The following ZNF506 variants were observed in gnomAD, a reference collection of about 807,000 sequenced individuals.
ZNF506 encodes the protein zinc finger protein 506.
Under a neutral mutation model 11.6 loss-of-function variants are expected in ZNF506, and 10 were observed. That is an observed-to-expected ratio of 0.86 (90% CI 0.53 to 1.46). The LOEUF is 1.46. ZNF506 is among the 40% of genes most tolerant of loss of function. ZNF506 has a pLI of 0.00. For missense variants in ZNF506, 425 were observed against 521.2 expected (o/e 0.82, Z 1.80); for synonymous variants, 156 against 173.3 (o/e 0.90, Z 0.78).
At chr19:19,801,207 C>T (rs1044445707) in intron 3 of ZNF506, among the ~76,000 whole-genome samples, 1 of 151,990 alleles carries the variant, frequency 6.6e-6, no homozygotes, top group African/African-American at 2.4e-5. Context: ...CAAAAAAAAC[C>T]TGGCCGGGTG....
intron 1 of ZNF506, among the ~76,000 whole-genome samples, chr19:19,811,223 G>A (rs1048347356): frequency 2.6e-5 from 4 of 152,126 alleles, no homozygotes; most frequent in African/African-American, 4.8e-5. Flanking sequence ...GCACTGGTGC[G>A]ATCTCGGCTC....
At chr19:19,808,515 A>T (rs188420693) in intron 1 of ZNF506, among the ~76,000 whole-genome samples, 1 of 151,754 alleles carries the variant, frequency 6.6e-6, no homozygotes, top group Admixed American at 6.6e-5. Context: ...ACTCCCCCCA[A>T]AAAAGTAAAT....
At chr19:19,817,909 C>A (rs2062945778) in intron 1 of ZNF506, among the ~76,000 whole-genome samples, 1 of 149,200 alleles carries the variant, frequency 6.7e-6, no homozygotes, top group Non-Finnish European at 1.5e-5. Flanking sequence ...GTCACTGCAA[C>A]CTCTGCCTCC....
rs1216253482 is a variant in ZNF506, at chr19:19,806,989, A to T, written c.83T>A (p.Leu28Gln). ...GTTCTCTAACATCACATCCCTATAT[A>T]GATTCCGCTGTGCAGCGTCCAGGCA... ...WHCLDAAQRN[L>Q]YRDVMLENYR... The change falls in exon 2 of 4, where the codon CTA becomes CAA. Residue 28 changes from leucine (L) to glutamine (Q), a missense_variant. By Grantham distance (113) the Leu-to-Gln change is moderately radical. Around this residue, in one of 3 missense-constraint regions of ZNF506, gnomAD observed 226 missense variants for 279.1 expected, o/e 0.81. Coordinates refer to ENST00000540806, the MANE Select transcript of ZNF506 (RefSeq NM_001099269.3). The T allele has an allele frequency of 6.2e-7, 1 of 1,614,068 alleles. No individual in the cohort carries two copies. The highest frequency in any genetic ancestry group is 1.7e-5 in the Admixed American group (1 of 60,016).
Position 19,794,571 on chromosome 19 carries a change from G to A in ZNF506, c.1316C>T (p.Pro439Leu), listed in dbSNP as rs771079101. 3 of 1,597,016 alleles carry A rather than the reference G, an allele frequency of 1.9e-6. No homozygotes were observed. Among genetic ancestry groups the A allele is most frequent in the Non-Finnish European group, 2.6e-6 (3 of 1,173,208 alleles). The change falls in exon 4 of 4, where the codon CCC becomes CTC. Residue 439 changes from proline to leucine, a missense_variant. Physicochemically the swap from Pro to Leu is moderately conservative, Grantham distance 98. Transcript: ENST00000540806. Reference sequence around the variant, plus strand: ...TATGAATTATCTTATGCTTATTAAGGGTTGAGGAACATTTAAAAGATTTTC... The same window carrying A: ...TATGAATTATCTTATGCTTATTAAGAGTTGAGGAACATTTAAAAGATTTTC... Reference protein sequence around the residue: ...NVENLLNVPQPLISIR With the variant: ...NVENLLNVPQLLISIR
chr19:19,820,028 C>T (rs1599531462), intron 1 of ZNF506, among the ~76,000 whole-genome samples: 1 of 151,006 alleles, frequency 6.6e-6, no homozygotes, highest in African/African-American at 2.4e-5. Context: ...ATCCAAGAGG[C>T]GGACGTTGCA....
At chr19:19,821,003 G>A (rs996464084) in intron 1 of ZNF506, among the ~76,000 whole-genome samples, 11 of 151,812 alleles carry the variant, frequency 7.2e-5, no homozygotes, top group African/African-American at 2.7e-4. Context: ...GGGTTCAACA[G>A]ATTCTCCCAC....
chr19:19,802,586 T>G (rs953080210), intron 3 of ZNF506, among the ~76,000 whole-genome samples: 1 of 152,140 alleles, frequency 6.6e-6, no homozygotes, highest in Non-Finnish European at 1.5e-5. Context: ...CTGAAGAAAG[T>G]TGATGAAAAT....
rs757160026 is a variant in ZNF506 at position 19,808,108 on chromosome 19, C to CTTTTTTTTTTTTTT, written c.4-1054_4-1041dup. On this transcript the variant is annotated intron_variant, in intron 1 of 3. Transcript: ENST00000540806. ...ACTTAACCAAGTGAATCATTAACCA[C>CTTTTTTTTTTTTTT]TTTTTTTTTTTTTTTTTTTTTTTTT... Among the ~76,000 whole-genome samples, 54 of 56,772 alleles carry CTTTTTTTTTTTTTT rather than the reference C, an allele frequency of 9.5e-4. 12 individuals are homozygous for CTTTTTTTTTTTTTT. The highest frequency in any genetic ancestry group is 1.9e-3 in the African/African-American group (25 of 12,970). 37.2% of individuals were successfully genotyped at this position (56,772 alleles called of 152,430 possible). A position where few individuals can be genotyped will look rare whatever the true frequency, so the allele number is the denominator to read the frequency against.
In ZNF506 at chr19:19,819,376, C is replaced by CA. The variant is rs779777587; in HGVS notation, c.3+2224dup. Among the ~76,000 whole-genome samples the CA allele has an allele frequency of 2.4e-3, 315 of 132,002 alleles. 1 individual carries two copies. Among genetic ancestry groups the CA allele is most frequent in the African/African-American group, 6.1e-3 (220 of 36,006 alleles). The allele number at this position is 132,002 out of a possible 152,430, so 86.6% of individuals were successfully genotyped here. On this transcript the variant is annotated intron_variant, in intron 1 of 3. Transcript: ENST00000540806. ...TTCATGTCTCAAGGGGTTAGCTTTT[C>CA]AAAAAAAAAAAAGAAAAAAGTGCAC...
chr19:19,804,462 G>C (rs937694591), intron 3 of ZNF506, among the ~76,000 whole-genome samples: 1 of 152,232 alleles, frequency 6.6e-6, no homozygotes, highest in African/African-American at 2.4e-5. Context: ...TGGAGAAACA[G>C]GAACGCTTTT....
chr19:19,807,024 C>T lies in ZNF506; in HGVS notation c.48G>A (p.Glu16=), dbSNP rs746795802. 2 of 1,614,042 alleles carry T rather than the reference C, an allele frequency of 1.2e-6. No homozygotes were observed. Among genetic ancestry groups the T allele is most frequent in the East Asian group, 4.5e-5 (2 of 44,860 alleles). ...FRDVAIEFSL[E]EWHCLDAAQR... ...GTGCAGCGTCCAGGCAATGCCACTC[C>T]TCCAGAGAGAATTCTATGGCCACAT... The change falls in exon 2 of 4, where the codon GAG becomes GAA. Residue 16 remains glutamate, a synonymous_variant. Transcript: ENST00000540806.
chr19:19,806,799 G>T, intron 2 of ZNF506, 143 bp downstream of exon 2: 2 of 1,051,292 alleles, frequency 1.9e-6, no homozygotes, highest in African/African-American at 1.7e-5. Context: ...TTTTCTAAAT[G>T]AAAAAATTCT....
At chr19:19,799,308 G>C (rs2062771282) in intron 3 of ZNF506, 1 of 433,870 alleles carries the variant, frequency 2.3e-6, no homozygotes, top group South Asian at 5.7e-5. Context: ...AATAAAACAA[G>C]ACAGTATATT....
intron 3 of ZNF506, among the ~76,000 whole-genome samples, chr19:19,804,937 G>GT (rs2062824156): frequency 6.6e-6 from 1 of 151,944 alleles, no homozygotes. Flanking sequence ...CTGTCATGGG[G>GT]TGGGGGGATG....
chr19:19,808,108 CTTTTTTTTTTT>C (rs757160026), intron 1 of ZNF506, among the ~76,000 whole-genome samples: 23 of 56,768 alleles, frequency 4.1e-4, no homozygotes, highest in South Asian at 9.2e-4. Context: ...TCATTAACCA[CTTTTTTTTTTT>C]TTTTTTTTTT....
intron 1 of ZNF506, among the ~76,000 whole-genome samples, chr19:19,812,176 T>C (rs2062888301): frequency 6.6e-6 from 1 of 152,226 alleles, no homozygotes; most frequent in South Asian, 2.1e-4. Context: ...AGATGACTCA[T>C]TTCTCTTACA....
At chr19:19,815,820 A>G (rs1469201732) in intron 1 of ZNF506, among the ~76,000 whole-genome samples, 1 of 152,202 alleles carries the variant, frequency 6.6e-6, no homozygotes, top group African/African-American at 2.4e-5. Flanking sequence ...GAAGTTCAAT[A>G]ATTTGGTAGA....
At chr19:19,807,675 T>C (rs914199624) in intron 1 of ZNF506, among the ~76,000 whole-genome samples, 2 of 151,984 alleles carry the variant, frequency 1.3e-5, no homozygotes, top group Non-Finnish European at 2.9e-5. Context: ...CAGCTAATTT[T>C]TTTTTGTATT....
Sources: allele counts gnomAD v4.1 joint callset (sites outside exome capture counted in the v4.1 genomes callset), GRCh38; gene constraint gnomAD v4.1.1; regional missense constraint gnomAD v4.1.1; transcripts MANE v1.5; gene names NCBI Gene and HGNC (gene_info 2026-07-23, HGNC 2026-07-21).